PTPRD: variants seen among roughly 807,000 people sequenced by gnomAD.
PTPRD encodes receptor-type tyrosine-protein phosphatase delta.
In PTPRD, 34 loss-of-function variants were observed where a neutral mutation model predicts 214.5. The observed-to-expected ratio is 0.16, with a 90% CI of 0.12 to 0.21. The LOEUF (loss-of-function observed/expected upper bound fraction) is 0.21. Among genes scored for constraint, PTPRD ranks in the 10% least tolerant of loss-of-function variants. PTPRD has a pLI of 1.00. For synonymous variants in PTPRD, 1,128 were observed against 845.7 expected (o/e 1.33, Z -5.79); for missense variants, 2,545 against 2,398.7 (o/e 1.06, Z -1.27).
At chr9:10,293,932 G>T (rs1470811886) in intron 3 of PTPRD, among the ~76,000 whole-genome samples, 1 of 151,906 alleles carries the variant, frequency 6.6e-6, no homozygotes, top group African/African-American at 2.4e-5. Context: ...TCTTACTGTG[G>T]TTGCTCAGTA....
chr9:8,527,042 T>TAG (rs754669562), intron 16 of PTPRD, among the ~76,000 whole-genome samples: 1 of 151,418 alleles, frequency 6.6e-6, no homozygotes, highest in Non-Finnish European at 1.5e-5. Context: ...TAGATATGCA[T>TAG]ATATATATAT....
At chr9:10,216,369 G>A (rs536391627) in intron 3 of PTPRD, among the ~76,000 whole-genome samples, 149 of 151,962 alleles carry the variant, frequency 9.8e-4, no homozygotes, top group African/African-American at 3.4e-3. Context: ...ATAGATACAG[G>A]TGGGGGTTCA....
chr9:9,830,618 G>A (rs1057287667), intron 5 of PTPRD, among the ~76,000 whole-genome samples: 4 of 151,884 alleles, frequency 2.6e-5, no homozygotes, highest in African/African-American at 9.7e-5. Context: ...CTCATGTACT[G>A]CAGCTAGCAC....
intron 5 of PTPRD, among the ~76,000 whole-genome samples, chr9:9,868,928 T>C (rs1301898709): frequency 4.6e-5 from 7 of 151,936 alleles, no homozygotes; most frequent in African/African-American, 9.7e-5. Context: ...CCTTCAACCA[T>C]TGACAAGGAA....
At chr9:10,418,204 A>T (rs1455326980) in intron 2 of PTPRD, among the ~76,000 whole-genome samples, 2 of 151,876 alleles carry the variant, frequency 1.3e-5, no homozygotes. Context: ...AAAAGCATTC[A>T]ATCTATTAAT....
chr9:8,900,168 A>G (rs564037327), intron 11 of PTPRD, among the ~76,000 whole-genome samples: 289 of 152,338 alleles, frequency 1.9e-3, no homozygotes, highest in Non-Finnish European at 3.4e-3. Context: ...TTAAAATGAT[A>G]TTTCATAAAA....
At chr9:9,051,583 C>T (rs2099685616) in intron 10 of PTPRD, among the ~76,000 whole-genome samples, 1 of 151,978 alleles carries the variant, frequency 6.6e-6, no homozygotes, top group Admixed American at 6.6e-5. Flanking sequence ...GAAAAACTTG[C>T]AAAAATGAGG....
chr9:9,227,473 G>C (rs1041603832), intron 9 of PTPRD, among the ~76,000 whole-genome samples: 3 of 152,094 alleles, frequency 2.0e-5, no homozygotes, highest in Non-Finnish European at 4.4e-5. Context: ...TGTGATAACT[G>C]TGGCTTAAAA....
intron 3 of PTPRD, among the ~76,000 whole-genome samples, chr9:10,091,416 T>C (rs991935947): frequency 2.8e-4 from 43 of 151,668 alleles, no homozygotes; most frequent in African/African-American, 9.6e-4. Flanking sequence ...GAAAACTGAT[T>C]TTTAAATTGT....
At chr9:10,313,463 C>T (rs2096329481) in intron 3 of PTPRD, among the ~76,000 whole-genome samples, 1 of 151,044 alleles carries the variant, frequency 6.6e-6, no homozygotes, top group Non-Finnish European at 1.5e-5. Flanking sequence ...TTCATTTTCA[C>T]TTCACAGTGC....
intron 11 of PTPRD, among the ~76,000 whole-genome samples, chr9:8,744,120 G>A (rs1407611099): frequency 1.3e-5 from 2 of 152,096 alleles, no homozygotes; most frequent in African/African-American, 2.4e-5. Context: ...CTGCAACAAT[G>A]GTCATAATCG....
intron 8 of PTPRD, among the ~76,000 whole-genome samples, chr9:9,546,243 G>C (rs181753987): frequency 1.3e-5 from 2 of 150,926 alleles, no homozygotes; most frequent in Non-Finnish European, 3.0e-5. Flanking sequence ...GGAATTTTTG[G>C]AATTTTTACA....
rs928564009 is a variant in PTPRD at position 9,976,482 on chromosome 9, G to C, written c.-471-37872C>G. Among the ~76,000 whole-genome samples, 3 of 151,492 alleles carry C rather than the reference G, an allele frequency of 2.0e-5. 1 individual carries two copies. The South Asian group carries it at 6.2e-4, about 31-fold the overall frequency. On this transcript the variant is annotated intron_variant, in intron 4 of 45. Coordinates refer to ENST00000381196, the MANE Select transcript of PTPRD (RefSeq NM_002839.4). ...GCTCACTGCAACCTTTGCCTCCTGA[G>C]TTCAAGAGATTCTTACACCTTAGCC...
At chr9:9,590,871 T>C (rs2092655484) in intron 7 of PTPRD, among the ~76,000 whole-genome samples, 2 of 152,028 alleles carry the variant, frequency 1.3e-5, no homozygotes, top group Admixed American at 6.6e-5. Flanking sequence ...GGCACATGGA[T>C]TTTCACAGAA....
At chr9:8,435,774 A>G (rs2095322642) in intron 35 of PTPRD, among the ~76,000 whole-genome samples, 1 of 152,130 alleles carries the variant, frequency 6.6e-6, no homozygotes, top group African/African-American at 2.4e-5. Context: ...ACCTCCATCA[A>G]GAATTCACAA....
chr9:9,490,456 G>C (rs951547347), intron 8 of PTPRD, among the ~76,000 whole-genome samples: 6 of 152,018 alleles, frequency 3.9e-5, no homozygotes, highest in African/African-American at 1.2e-4. Flanking sequence ...CTAAAAGCTA[G>C]TATTGTAACT....
At chr9:8,332,234 A>T (rs1842180523) in intron 43 of PTPRD, among the ~76,000 whole-genome samples, 1 of 152,144 alleles carries the variant, frequency 6.6e-6, no homozygotes, top group Non-Finnish European at 1.5e-5. Flanking sequence ...ATAACTTCAC[A>T]TCTGCTGTGC....
At chr9:10,305,111 A>G (rs1205109200) in intron 3 of PTPRD, among the ~76,000 whole-genome samples, 1 of 152,018 alleles carries the variant, frequency 6.6e-6, no homozygotes, top group Non-Finnish European at 1.5e-5. Context: ...CACATCTACA[A>G]CCATCTGATC....
chr9:8,988,292 T>C (rs1473938983), intron 11 of PTPRD, among the ~76,000 whole-genome samples: 1 of 152,118 alleles, frequency 6.6e-6, no homozygotes, highest in East Asian at 1.9e-4. Context: ...AACTTACCGT[T>C]GGCCATGCAT....
Sources: allele counts gnomAD v4.1 joint callset (sites outside exome capture counted in the v4.1 genomes callset), GRCh38; gene constraint gnomAD v4.1.1; transcripts MANE v1.5; gene names NCBI Gene and HGNC (gene_info 2026-07-23, HGNC 2026-07-21).